ALPK2: variants seen among roughly 807,000 people sequenced by gnomAD.
ALPK2 encodes alpha-protein kinase 2.
ALPK2 carries 127 observed loss-of-function variants against 163.1 expected under a neutral mutation model. That is an observed-to-expected ratio of 0.78 (90% CI 0.67 to 0.90). The LOEUF is 0.90. Ranked by LOEUF, ALPK2 falls within the 40% of genes least tolerant of loss-of-function variation. The pLI is 0.00. For synonymous variants in ALPK2, 953 were observed against 959.1 expected (o/e 0.99, Z 0.12); for missense variants, 2,360 against 2,589.6 (o/e 0.91, Z 1.92).
chr18:58,555,060 T>G (rs2051782835), intron 4 of ALPK2, among the ~76,000 whole-genome samples: 1 of 152,204 alleles, frequency 6.6e-6, no homozygotes, highest in Non-Finnish European at 1.5e-5. Flanking sequence ...AAACCCAGTC[T>G]CGGGTATCTG....
In ALPK2 at chr18:58,619,654, A is replaced by G. The variant is rs1391222641; in HGVS notation, c.-20-7837T>C. On this transcript the variant is annotated intron_variant, in intron 1 of 12. Transcript: ENST00000361673. ...TTATTTTCACATTGAAAATCAGCCAAATTTGTTTCAGCCTCAAAGAGTGTG... is the reference window on the plus strand; with the variant it reads ...TTATTTTCACATTGAAAATCAGCCAGATTTGTTTCAGCCTCAAAGAGTGTG... Among the ~76,000 whole-genome samples the G allele has an allele frequency of 2.0e-5, 3 of 152,224 alleles. No individual in the cohort carries two copies. In the South Asian group the frequency reaches 6.2e-4, roughly 32 times the overall value.
rs191122670 is a variant in ALPK2, at chr18:58,497,683, T to A, written c.6296+366A>T. Among the ~76,000 whole-genome samples the A allele has an allele frequency of 1.3e-3, 200 of 151,940 alleles. 4 individuals are homozygous for A. The East Asian group carries it at 0.02, about 15-fold the overall frequency. On this transcript the variant is annotated intron_variant, in intron 12 of 12. Coordinates refer to ENST00000361673, the MANE Select transcript of ALPK2 (RefSeq NM_052947.4). ...CACTGCATTCAATTGCAAAAAAAAT[T>A]TTTTTTCAAAGAAGCTTTTAATAGT...
rs751240392 is a variant in ALPK2 at position 58,580,312 on chromosome 18, G to A, written c.464C>T (p.Pro155Leu). 2.9e-5 allele frequency: 46 copies of A among 1,613,902 alleles called. No individual in the cohort carries two copies. Among genetic ancestry groups the A allele is most frequent in the South Asian group, 6.6e-5 (6 of 91,040 alleles). Reference protein sequence around the residue: ...HPYKEEESISPGTPRSADSSP... With the variant: ...HPYKEEESISLGTPRSADSSP... Reference sequence around the variant, plus strand: ...GGAGTCAGCTGACCTGGGAGTGCCCGGGGAGATGCTTTCTTCTTCCTTATA... The same window carrying A: ...GGAGTCAGCTGACCTGGGAGTGCCCAGGGAGATGCTTTCTTCTTCCTTATA... Residue 155 changes from proline to leucine, a missense_variant, in exon 4 of 13, where the codon CCG (proline) becomes CTG (leucine). Transcript: ENST00000361673.
intron 5 of ALPK2, among the ~76,000 whole-genome samples, chr18:58,534,454 C>T (rs1237460536): frequency 6.6e-6 from 1 of 152,190 alleles, no homozygotes; most frequent in African/African-American, 2.4e-5. Flanking sequence ...CTGATTAATG[C>T]TTCTGTTTAT....
At position 58,512,651 on chromosome 18, in the gene ALPK2, G is replaced by T. The variant is rs1288911398; in HGVS notation, c.6029+2342C>A. ...TGTGATGTGTATACGTATGTGTGGT[G>T]TGTGTGTGCTGTGTGTGTGTGTGGT... On this transcript the variant is annotated intron_variant, in intron 10 of 12. Coordinates refer to ENST00000361673, the MANE Select transcript of ALPK2 (RefSeq NM_052947.4). Among the ~76,000 whole-genome samples the T allele has an allele frequency of 2.7e-5, 4 of 148,398 alleles. No individual in the cohort carries two copies. The South Asian group carries it at 6.3e-4, about 23-fold the overall frequency.
At chr18:58,542,469 T>C (rs190332769) in intron 4 of ALPK2, among the ~76,000 whole-genome samples, 1 of 152,260 alleles carries the variant, frequency 6.6e-6, no homozygotes, top group African/African-American at 2.4e-5. Flanking sequence ...AAAGATGTTA[T>C]CATCTCTTCT....
chr18:58,620,997 A>G (rs921623233), intron 1 of ALPK2, among the ~76,000 whole-genome samples: 1 of 152,060 alleles, frequency 6.6e-6, no homozygotes, highest in African/African-American at 2.4e-5. Context: ...CTCTACAAAA[A>G]ATACAAAAAT....
At position 58,529,309 on chromosome 18, in the gene ALPK2, C is replaced by T. The variant is rs1469120225; in HGVS notation, c.5354-71G>A. On this transcript the variant is annotated intron_variant, in intron 5 of 12. Coordinates refer to ENST00000361673, the MANE Select transcript of ALPK2 (RefSeq NM_052947.4). Reference sequence around the variant, plus strand: ...ATTTCATACCATTTAATTCTCATAACAATCCTGAGAGACAGGAATATTAAT... The same window carrying T: ...ATTTCATACCATTTAATTCTCATAATAATCCTGAGAGACAGGAATATTAAT... 7.8e-6 allele frequency: 11 copies of T among 1,403,334 alleles called. No individual in the cohort carries two copies. In the East Asian group the frequency reaches 2.6e-4, roughly 33 times the overall value. The allele number at this position is 1,403,334 out of a possible 1,614,324, so 86.9% of individuals were successfully genotyped here. A position where few individuals can be genotyped will look rare whatever the true frequency, so the allele number is the denominator to read the frequency against.
rs1056848533 is a variant in ALPK2, at chr18:58,541,179, G to A, written c.1963-2955C>T. On this transcript the variant is annotated intron_variant, in intron 4 of 12. Coordinates refer to ENST00000361673, the MANE Select transcript of ALPK2 (RefSeq NM_052947.4). ...GCTCACGGTTCCACCGGCTATACAG[G>A]AAGTATGGTGGCAACTGCTTCTGGA... Among the ~76,000 whole-genome samples the A allele has an allele frequency of 3.3e-5, 5 of 152,368 alleles. No individual in the cohort carries two copies. In the South Asian group the frequency reaches 1.0e-3, roughly 32 times the overall value.
intron 4 of ALPK2, among the ~76,000 whole-genome samples, chr18:58,551,572 T>C (rs1381684427): frequency 6.6e-6 from 1 of 152,220 alleles, no homozygotes; most frequent in African/African-American, 2.4e-5. Context: ...AAGCAATCCA[T>C]TCTTTTTCCA....
chr18:58,524,847 C>G (rs1375634276), intron 6 of ALPK2, among the ~76,000 whole-genome samples: 2 of 151,932 alleles, frequency 1.3e-5, no homozygotes, highest in Non-Finnish European at 2.9e-5. Context: ...TAAGCTGCCT[C>G]CCCAAGTAAA....
chr18:58,510,885 C>T (rs1224789869), intron 10 of ALPK2, among the ~76,000 whole-genome samples: 11 of 152,202 alleles, frequency 7.2e-5, no homozygotes, highest in Non-Finnish European at 1.5e-4. Flanking sequence ...ATTTCCTTCT[C>T]CTGCCTGATT....
chr18:58,619,819 T>C (rs924871801), intron 1 of ALPK2, among the ~76,000 whole-genome samples: 1 of 152,122 alleles, frequency 6.6e-6, no homozygotes, highest in African/African-American at 2.4e-5. Context: ...GAAATGAAAA[T>C]GTATATTCAC....
chr18:58,542,557 A>G (rs1002363329), intron 4 of ALPK2, among the ~76,000 whole-genome samples: 3 of 152,242 alleles, frequency 2.0e-5, no homozygotes, highest in Non-Finnish European at 4.4e-5. Context: ...CAATATAAAG[A>G]ACTATTGACT....
chr18:58,614,009 A>T (rs2052150645), intron 1 of ALPK2, among the ~76,000 whole-genome samples: 2 of 152,156 alleles, frequency 1.3e-5, no homozygotes, highest in Admixed American at 1.3e-4. Flanking sequence ...AAGCACCTAC[A>T]CTCTGTAAAT....
At chr18:58,512,655 G>T (rs1027977666) in intron 10 of ALPK2, among the ~76,000 whole-genome samples, 9 of 151,854 alleles carry the variant, frequency 5.9e-5, no homozygotes, top group African/African-American at 1.9e-4. Flanking sequence ...TGTGGTGTGT[G>T]TGTGCTGTGT....
intron 9 of ALPK2, 44 bp downstream of exon 9, chr18:58,516,864 G>A (rs1226893599): frequency 1.3e-6 from 2 of 1,589,916 alleles, no homozygotes; most frequent in Non-Finnish European, 8.6e-7. Context: ...TATCATGGGT[G>A]GTTCTCACAC....
intron 6 of ALPK2, among the ~76,000 whole-genome samples, chr18:58,524,789 G>A (rs2051575560): frequency 6.6e-6 from 1 of 152,140 alleles, no homozygotes; most frequent in African/African-American, 2.4e-5. Flanking sequence ...GTTTGCAGAT[G>A]AGGAAACTGA....
intron 4 of ALPK2, among the ~76,000 whole-genome samples, chr18:58,541,032 G>C (rs1333883367): frequency 6.6e-6 from 1 of 152,186 alleles, no homozygotes. Context: ...ATCATGCCGT[G>C]ATTTACAAAA....
Sources: allele counts gnomAD v4.1 joint callset (sites outside exome capture counted in the v4.1 genomes callset), GRCh38; gene constraint gnomAD v4.1.1; transcripts MANE v1.5; gene names NCBI Gene and HGNC (gene_info 2026-07-23, HGNC 2026-07-21).